NRXN1: variants seen among roughly 807,000 people sequenced by gnomAD.
NRXN1 encodes the protein neurexin 1, also known as neurexin-1.
NRXN1 carries 39 observed loss-of-function variants against 150.9 expected under a neutral mutation model. The ratio of observed to expected loss-of-function variants is 0.26; its 90% CI spans 0.20 to 0.34. The LOEUF (loss-of-function observed/expected upper bound fraction) is 0.34, where lower values mean the gene tolerates loss of function less well. Ranked by LOEUF, NRXN1 falls within the 10% of genes least tolerant of loss-of-function variation. The probability of loss-of-function intolerance (pLI) is 1.00; values close to 1 mark genes in which losing one functional copy is unlikely to be tolerated. For missense variants in NRXN1, 1,815 were observed against 1,949.9 expected (o/e 0.93, Z 1.30); for synonymous variants, 924 against 757.0 (o/e 1.22, Z -3.62).
chr2:51,004,015 C>G (rs542579237), intron 2 of NRXN1, among the ~76,000 whole-genome samples: 4 of 151,864 alleles, frequency 2.6e-5, no homozygotes, highest in Admixed American at 2.6e-4. Context: ...TGGATGTACC[C>G]TCACTTCCTG....
At chr2:50,915,039 GA>G (rs551757358) in intron 5 of NRXN1, among the ~76,000 whole-genome samples, 124 of 151,666 alleles carry the variant, frequency 8.2e-4, no homozygotes, top group African/African-American at 2.9e-3. Context: ...TCTATGAAGA[GA>G]AACTAGATCA....
chr2:50,356,510 G>C (rs1355086080), intron 17 of NRXN1, among the ~76,000 whole-genome samples: 1 of 152,060 alleles, frequency 6.6e-6, no homozygotes, highest in South Asian at 2.1e-4. Flanking sequence ...TTTTGTAAAA[G>C]AATTACTTTC....
At chr2:50,363,600 G>A (rs1468129209) in intron 17 of NRXN1, among the ~76,000 whole-genome samples, 1 of 152,174 alleles carries the variant, frequency 6.6e-6, no homozygotes. Context: ...AACAGATGCT[G>A]GAGAGGATGT....
At chr2:50,170,730 G>C (rs549648114) in intron 18 of NRXN1, among the ~76,000 whole-genome samples, 12 of 151,566 alleles carry the variant, frequency 7.9e-5, no homozygotes, top group Non-Finnish European at 1.0e-4. Context: ...TTTTGGATAA[G>C]GGACATTGAG....
chr2:50,470,078 C>T (rs761354573), intron 16 of NRXN1, among the ~76,000 whole-genome samples: 2 of 151,632 alleles, frequency 1.3e-5, no homozygotes, highest in Non-Finnish European at 3.0e-5. Context: ...TATCTGCCTG[C>T]TCTCACCATT....
chr2:49,995,346 T>C (rs1682755487), intron 21 of NRXN1, among the ~76,000 whole-genome samples: 1 of 152,218 alleles, frequency 6.6e-6, no homozygotes, highest in African/African-American at 2.4e-5. Context: ...TGTGTAATTA[T>C]AGGGGTGTTG....
chr2:49,965,111 C>T (rs1367268298), intron 21 of NRXN1, among the ~76,000 whole-genome samples: 3 of 151,978 alleles, frequency 2.0e-5, no homozygotes, highest in Non-Finnish European at 4.4e-5. Context: ...AACTCCTGAG[C>T]TCCAATGATC....
rs143867524 is a variant in NRXN1 at position 50,469,225 on chromosome 2, T to A, written c.3244+3073A>T. On this transcript the variant is annotated intron_variant, in intron 16 of 22. Coordinates refer to ENST00000401669, the MANE Select transcript of NRXN1 (RefSeq NM_001330078.2). ...TTAATGATTCTGTAAGTGATTCTGA[T>A]ATAGGCTAACATTCAGGAGACAATA... Among the ~76,000 whole-genome samples, 8 of 151,748 alleles carry A rather than the reference T, an allele frequency of 5.3e-5. No individual in the cohort carries two copies. In the East Asian group the frequency reaches 1.6e-3, roughly 30 times the overall value.
chr2:50,951,560 A>G (rs762627544), intron 2 of NRXN1, among the ~76,000 whole-genome samples: 1 of 152,120 alleles, frequency 6.6e-6, no homozygotes, highest in Non-Finnish European at 1.5e-5. Context: ...AGTTTAAAAT[A>G]TATTTGGTTT....
intron 17 of NRXN1, among the ~76,000 whole-genome samples, chr2:50,273,012 T>C (rs537282678): frequency 1.3e-5 from 2 of 152,060 alleles, no homozygotes; most frequent in South Asian, 4.2e-4. Context: ...TGAAGAAACA[T>C]CTTAAAAAAC....
chr2:50,898,736 G>T (rs182173088), intron 5 of NRXN1: 2 of 301,822 alleles, frequency 6.6e-6, no homozygotes, highest in East Asian at 1.0e-4. Flanking sequence ...AGAAATGAAT[G>T]CTTTGAAAAT....
Position 50,510,829 on chromosome 2 carries a change from G to A in NRXN1, c.2375-4212C>T, listed in dbSNP as rs569146612. On this transcript the variant is annotated intron_variant, in intron 12 of 22. Coordinates refer to ENST00000401669, the MANE Select transcript of NRXN1 (RefSeq NM_001330078.2). ...CTGCAAGTAGTGTAAGAGGTACAACGGGACTGAATGCCCCCAGCTAATATT... is the reference window on the plus strand; with the variant it reads ...CTGCAAGTAGTGTAAGAGGTACAACAGGACTGAATGCCCCCAGCTAATATT... Among the ~76,000 whole-genome samples the A allele has an allele frequency of 3.0e-3, 453 of 152,156 alleles. 4 individuals are homozygous for A. The highest frequency in any genetic ancestry group is 5.5e-3 in the Non-Finnish European group (372 of 67,992).
chr2:50,791,125 G>GTTT (rs535114226), intron 5 of NRXN1, among the ~76,000 whole-genome samples: 41 of 131,974 alleles, frequency 3.1e-4, no homozygotes, highest in African/African-American at 1.1e-3. Flanking sequence ...CAATCAAAAT[G>GTTT]TTTTTTTTTT....
rs779434583 is a variant in NRXN1 at position 50,925,949 on chromosome 2, T to G, written c.779A>C (p.Asn260Thr). ...FRGKDCSQED[N>T]NVEGLAHLMM... ...TAGAAAGCACCCACCTTCCACATTG[T>G]TGTCTTCTGAAAGCACATGACAAGG... is the stretch of plus-strand genomic sequence containing the variant. The change falls in exon 3 of 23, where the codon AAC becomes ACC. Residue 260 changes from asparagine (N) to threonine (T), a missense_variant. Around this residue, in one of 6 missense-constraint regions of NRXN1, gnomAD observed 554 missense variants for 478.8 expected, o/e 1.16. Coordinates refer to ENST00000401669, the MANE Select transcript of NRXN1 (RefSeq NM_001330078.2). 2.5e-6 allele frequency: 4 copies of G among 1,574,936 alleles called. No homozygotes were observed. The East Asian group carries it at 7.0e-5, about 27-fold the overall frequency.
intron 5 of NRXN1, among the ~76,000 whole-genome samples, chr2:50,884,675 T>C (rs569824579): frequency 1.6e-4 from 24 of 151,668 alleles, no homozygotes; most frequent in South Asian, 2.1e-4. Context: ...TGAAACTCTA[T>C]GGAAACTTGA....
intron 11 of NRXN1, among the ~76,000 whole-genome samples, chr2:50,530,494 T>C (rs2093070178): frequency 6.6e-6 from 1 of 152,210 alleles, no homozygotes; most frequent in Non-Finnish European, 1.5e-5. Context: ...CAATTCAGAC[T>C]TTTTCCTAAT....
At chr2:50,802,582 GAGAA>G (rs1238554618) in intron 5 of NRXN1, among the ~76,000 whole-genome samples, 31 of 148,928 alleles carry the variant, frequency 2.1e-4, no homozygotes, top group African/African-American at 7.2e-4. Context: ...GAGAGACAGA[GAGAA>G]AGAGAGAGAG....
In NRXN1 at chr2:50,523,675, A is replaced by T. The variant is rs183972801; in HGVS notation, c.2374+4950T>A. ...CTGGTAATAAAATGGTAATACAAAG[A>T]TCTTATTATCTACTCCAGACATCCA... On this transcript the variant is annotated intron_variant, in intron 12 of 22. Coordinates refer to ENST00000401669, the MANE Select transcript of NRXN1 (RefSeq NM_001330078.2). Among the ~76,000 whole-genome samples, 3 of 152,310 alleles carry T rather than the reference A, an allele frequency of 2.0e-5. No individual in the cohort carries two copies. The East Asian group carries it at 5.8e-4, about 29-fold the overall frequency.
chr2:50,733,561 T>A (rs186084344), intron 5 of NRXN1, among the ~76,000 whole-genome samples: 4 of 152,196 alleles, frequency 2.6e-5, no homozygotes, highest in African/African-American at 4.8e-5. Flanking sequence ...AGATACATAA[T>A]ACACTTGCCC....
Sources: allele counts gnomAD v4.1 joint callset (sites outside exome capture counted in the v4.1 genomes callset), GRCh38; gene constraint gnomAD v4.1.1; regional missense constraint gnomAD v4.1.1; transcripts MANE v1.5; gene names NCBI Gene and HGNC (gene_info 2026-07-23, HGNC 2026-07-21).